Variants in CFDP1 observed in about 807,000 individuals in gnomAD.
The protein encoded by CFDP1 is heterochromatin-stabilizing protein CFDP1.
Under a neutral mutation model 40.1 loss-of-function variants are expected in CFDP1, and 31 were observed. The ratio of observed to expected loss-of-function variants is 0.77; its 90% CI spans 0.58 to 1.04. The LOEUF (loss-of-function observed/expected upper bound fraction) is 1.04. CFDP1 is among the 50% of genes least tolerant of loss of function. CFDP1 has a pLI of 0.00. For synonymous variants in CFDP1, 167 were observed against 120.0 expected (o/e 1.39, Z -2.56); for missense variants, 423 against 343.4 (o/e 1.23, Z -1.83).
chr16:75,369,983 A>G (rs969274361), intron 5 of CFDP1, among the ~76,000 whole-genome samples: 1 of 152,168 alleles, frequency 6.6e-6, no homozygotes, highest in East Asian at 1.9e-4. Context: ...CATGTCGTCC[A>G]GGCTGGTCTC....
At chr16:75,399,450 T>C (rs1567672259) in intron 4 of CFDP1, among the ~76,000 whole-genome samples, 1 of 152,190 alleles carries the variant, frequency 6.6e-6, no homozygotes, top group Admixed American at 6.5e-5. Flanking sequence ...GCCAAAACCC[T>C]ACTAAATAGT....
At chr16:75,414,943 T>A (rs2079191732) in intron 1 of CFDP1, among the ~76,000 whole-genome samples, 1 of 152,194 alleles carries the variant, frequency 6.6e-6, no homozygotes, top group South Asian at 2.1e-4. Context: ...TCATCCCACT[T>A]ATATTTAATG....
chr16:75,338,241 G>C (rs147392585), intron 5 of CFDP1, among the ~76,000 whole-genome samples: 14 of 152,280 alleles, frequency 9.2e-5, no homozygotes, highest in Admixed American at 2.6e-4. Context: ...TGAAGCATGG[G>C]GGGGAAAAAG....
intron 5 of CFDP1, among the ~76,000 whole-genome samples, chr16:75,319,209 A>G (rs2078345732): frequency 6.6e-6 from 1 of 151,904 alleles, no homozygotes; most frequent in South Asian, 2.1e-4. Flanking sequence ...ATGCCCAGCT[A>G]ATTTTTGTAT....
intron 6 of CFDP1, 67 bp downstream of exon 6, chr16:75,304,957 C>T (rs3743607): frequency 0.37 from 560,482 of 1,519,236 alleles, 107,649 homozygotes; most frequent in East Asian, 0.54. Flanking sequence ...GGCAGTTTGT[C>T]TCCAATAAAT....
At chr16:75,356,677 G>A (rs1031380504) in intron 5 of CFDP1, among the ~76,000 whole-genome samples, 5 of 152,044 alleles carry the variant, frequency 3.3e-5, no homozygotes, top group East Asian at 1.9e-4. Context: ...TTCTCCTTCC[G>A]AGCTAACTGA....
At chr16:75,378,642 G>A (rs1029927192) in intron 5 of CFDP1, among the ~76,000 whole-genome samples, 4 of 152,242 alleles carry the variant, frequency 2.6e-5, no homozygotes, top group South Asian at 4.1e-4. Context: ...TAAAACTGAC[G>A]ATGAGGGAGT....
chr16:75,307,308 C>T (rs746330267), intron 5 of CFDP1, among the ~76,000 whole-genome samples: 156 of 152,104 alleles, frequency 1.0e-3, no homozygotes, highest in Admixed American at 1.6e-3. Context: ...CTCCGCCTCC[C>T]GGGTTCAAGC....
intron 5 of CFDP1, among the ~76,000 whole-genome samples, chr16:75,346,427 C>CA (rs2078564718): frequency 6.6e-6 from 1 of 151,340 alleles, no homozygotes; most frequent in South Asian, 2.1e-4. Flanking sequence ...ACTAAAAATA[C>CA]AAAAAATTAG....
chr16:75,293,880 A>G lies in CFDP1; in HGVS notation c.*72T>C. 2 of 1,302,674 alleles carry G rather than the reference A, an allele frequency of 1.5e-6. No individual in the cohort carries two copies. Among genetic ancestry groups the G allele is most frequent in the East Asian group, 2.3e-5 (1 of 43,356 alleles). The allele number at this position is 1,302,674 out of a possible 1,614,324, so 80.7% of individuals were successfully genotyped here. ...GAAACAGATGATGAGAAACACTGTA[A>G]AACATTTCACAGACGCACAAAAAGC... On this transcript the variant is annotated 3_prime_UTR_variant, in exon 7 of 7. Transcript: ENST00000283882.
intron 4 of CFDP1, among the ~76,000 whole-genome samples, chr16:75,404,342 T>C (rs967866212): frequency 7.3e-5 from 11 of 150,614 alleles, no homozygotes; most frequent in African/African-American, 2.7e-4. Context: ...TTCACGCCAT[T>C]GTCCTGCCTC....
At chr16:75,361,428 A>G (rs1458767412) in intron 5 of CFDP1, among the ~76,000 whole-genome samples, 2 of 152,106 alleles carry the variant, frequency 1.3e-5, no homozygotes, top group African/African-American at 4.8e-5. Flanking sequence ...ACCATCCTAG[A>G]CAACATAGTG....
intron 6 of CFDP1, among the ~76,000 whole-genome samples, chr16:75,301,267 G>C (rs1284944959): frequency 6.6e-6 from 1 of 152,122 alleles, no homozygotes; most frequent in Non-Finnish European, 1.5e-5. Flanking sequence ...TATGGGAAGA[G>C]CCAAGATTTG....
intron 6 of CFDP1, among the ~76,000 whole-genome samples, chr16:75,297,180 G>GTC (rs1435519289): frequency 3.9e-4 from 59 of 149,580 alleles, no homozygotes; most frequent in African/African-American, 1.4e-3. Flanking sequence ...GTGTGTGTGT[G>GTC]TGTGTGTGTG....
chr16:75,317,189 G>C (rs1327204624), intron 5 of CFDP1, among the ~76,000 whole-genome samples: 1 of 152,146 alleles, frequency 6.6e-6, no homozygotes, highest in Non-Finnish European at 1.5e-5. Flanking sequence ...GTACGCATGA[G>C]GGTTAAATGA....
chr16:75,398,587 C>T (rs956080158), intron 4 of CFDP1, among the ~76,000 whole-genome samples: 1 of 152,214 alleles, frequency 6.6e-6, no homozygotes, highest in Non-Finnish European at 1.5e-5. Context: ...GTCTGTCTCT[C>T]TCAAGAATGC....
rs142481009 is a variant in CFDP1 at position 75,324,197 on chromosome 16, G to A, written c.651-19015C>T. Among the ~76,000 whole-genome samples the A allele has an allele frequency of 4.0e-3, 607 of 152,248 alleles. 5 individuals carry two copies. The highest frequency in any genetic ancestry group is 0.013 in the African/African-American group (544 of 41,544). On this transcript the variant is annotated intron_variant, in intron 5 of 6. Coordinates refer to ENST00000283882, the MANE Select transcript of CFDP1 (RefSeq NM_006324.3). Reference sequence around the variant, plus strand: ...ACAGGAAGTGCAGTAGAGCATAAGAGTCTGAGATGGGGAAAGCTATAGAGA... The same window carrying A: ...ACAGGAAGTGCAGTAGAGCATAAGAATCTGAGATGGGGAAAGCTATAGAGA...
At chr16:75,294,065 G>T in intron 6 of CFDP1, 23 bp from the exon 7 acceptor site, 1 of 1,582,468 alleles carries the variant, frequency 6.3e-7, no homozygotes, top group Non-Finnish European at 8.7e-7. Context: ...AACAGTGTTT[G>T]TCAGTAGAAT....
At chr16:75,348,087 T>C (rs1282461375) in intron 5 of CFDP1, among the ~76,000 whole-genome samples, 2 of 152,198 alleles carry the variant, frequency 1.3e-5, no homozygotes, top group Non-Finnish European at 2.9e-5. Context: ...CTGAAGTCTA[T>C]CGTTTAGTTA....
Sources: allele counts gnomAD v4.1 joint callset (sites outside exome capture counted in the v4.1 genomes callset), GRCh38; gene constraint gnomAD v4.1.1; transcripts MANE v1.5; gene names NCBI Gene and HGNC (gene_info 2026-07-23, HGNC 2026-07-21).